STAC: variants seen among roughly 807,000 people sequenced by gnomAD.
STAC encodes SH3 and cysteine rich domain.
Under a neutral mutation model 48.8 loss-of-function variants are expected in STAC, and 43 were observed. That is an observed-to-expected ratio of 0.88 (90% CI 0.69 to 1.14). The LOEUF (loss-of-function observed/expected upper bound fraction) is 1.14, where lower values mean the gene tolerates loss of function less well. STAC is among the 50% of genes most tolerant of loss of function. STAC has a pLI of 0.00. For synonymous variants in STAC, 193 were observed against 179.5 expected (o/e 1.07, Z -0.60); for missense variants, 497 against 504.0 (o/e 0.99, Z 0.13).
At chr3:36,516,176 G>A (rs768137550) in intron 8 of STAC, among the ~76,000 whole-genome samples, 2 of 151,688 alleles carry the variant, frequency 1.3e-5, no homozygotes, top group Non-Finnish European at 1.5e-5. Context: ...TAGAAACGGG[G>A]TTTCATCATG....
rs140461735 is a variant in STAC, at chr3:36,543,105, C to A, written c.1111-3086C>A. On this transcript the variant is annotated intron_variant, in intron 10 of 10. Coordinates refer to ENST00000273183, the MANE Select transcript of STAC (RefSeq NM_003149.3). Reference sequence around the variant, plus strand: ...GTGCTAATATTGAGAATGTCCTGAGCAAACCGAGACAAGTTGGTCACCCTC... The same window carrying A: ...GTGCTAATATTGAGAATGTCCTGAGAAAACCGAGACAAGTTGGTCACCCTC... Among the ~76,000 whole-genome samples the A allele has an allele frequency of 7.3e-3, 1,118 of 152,220 alleles. 11 individuals are homozygous for A. The highest frequency in any genetic ancestry group is 0.025 in the African/African-American group (1,020 of 41,542).
intron 2 of STAC, among the ~76,000 whole-genome samples, chr3:36,462,827 G>A (rs1443538166): frequency 6.6e-6 from 1 of 152,232 alleles, no homozygotes; most frequent in Non-Finnish European, 1.5e-5. Flanking sequence ...ACATATCATA[G>A]AAATTTATTT....
intron 8 of STAC, among the ~76,000 whole-genome samples, chr3:36,525,823 G>A (rs1226472446): frequency 6.6e-6 from 1 of 152,214 alleles, no homozygotes; most frequent in Non-Finnish European, 1.5e-5. Flanking sequence ...AATGCCAGTT[G>A]TGCTTAATGC....
intron 1 of STAC, among the ~76,000 whole-genome samples, chr3:36,404,491 C>T (rs73057919): frequency 0.023 from 3,540 of 152,226 alleles, 61 homozygotes; most frequent in East Asian, 0.026. Flanking sequence ...TCTTAGTTTA[C>T]ATCATATTAT....
chr3:36,386,501 T>C (rs1559473284), intron 1 of STAC, among the ~76,000 whole-genome samples: 1 of 152,082 alleles, frequency 6.6e-6, no homozygotes, highest in African/African-American at 2.4e-5. Context: ...GTTGTGCTTT[T>C]TGTGTACTGC....
intron 1 of STAC, among the ~76,000 whole-genome samples, chr3:36,410,774 T>C (rs1005203290): frequency 2.6e-5 from 4 of 152,214 alleles, no homozygotes; most frequent in South Asian, 2.1e-4. Flanking sequence ...CTGAGGGTGT[T>C]TGTAATTCCT....
chr3:36,399,393 A>G (rs1363383672), intron 1 of STAC, among the ~76,000 whole-genome samples: 3 of 152,228 alleles, frequency 2.0e-5, no homozygotes, highest in Non-Finnish European at 2.9e-5. Flanking sequence ...GCTGCATTTG[A>G]CAATGGGTTG....
chr3:36,443,413 G>T lies in STAC; in HGVS notation c.161G>T (p.Ser54Ile). The change falls in exon 2 of 11, where the codon AGC becomes ATC. Residue 54 changes from serine to isoleucine, a missense_variant. Transcript: ENST00000273183. The surrounding 1 kb of genome is among the most constrained non-coding windows in gnomAD (Gnocchi z 4.2). ...TCTTTCAAGACCAAGAGTTTACGGA[G>T]CAAAAGTGCTGACAACTTCTTCCAG... ...SLSFKTKSLR[S>I]KSADNFFQRT... is the part of the protein sequence containing the mutation. 1 of 1,614,206 alleles carries T rather than the reference G, an allele frequency of 6.2e-7. No individual in the cohort carries two copies. The highest frequency in any genetic ancestry group is 8.5e-7 in the Non-Finnish European group (1 of 1,180,048).
At chr3:36,427,517 G>C (rs1466738067) in intron 1 of STAC, among the ~76,000 whole-genome samples, 2 of 152,102 alleles carry the variant, frequency 1.3e-5, no homozygotes, top group African/African-American at 4.8e-5. Flanking sequence ...CATTTTCCTG[G>C]AATTCTCTGG....
chr3:36,386,360 G>A (rs537533083), intron 1 of STAC, among the ~76,000 whole-genome samples: 2 of 151,152 alleles, frequency 1.3e-5, no homozygotes, highest in East Asian at 1.9e-4. Context: ...TTCTGGATAT[G>A]AGAACGTTGA....
intron 1 of STAC, among the ~76,000 whole-genome samples, chr3:36,442,817 A>C (rs1297742839): frequency 6.7e-6 from 1 of 149,386 alleles, no homozygotes; most frequent in Non-Finnish European, 1.5e-5. Context: ...TTACTTATCC[A>C]TATGCTTCAG....
chr3:36,451,486 A>C (rs1696678972), intron 2 of STAC, among the ~76,000 whole-genome samples: 1 of 152,134 alleles, frequency 6.6e-6, no homozygotes, highest in African/African-American at 2.4e-5. Flanking sequence ...AATAAATCTT[A>C]AGATATATAC....
chr3:36,504,925 A>G (rs1698365712), intron 7 of STAC, among the ~76,000 whole-genome samples: 1 of 152,022 alleles, frequency 6.6e-6, no homozygotes, highest in Non-Finnish European at 1.5e-5. Context: ...ATAGTTAGAT[A>G]TATGATGCAA....
intron 1 of STAC, among the ~76,000 whole-genome samples, chr3:36,432,865 T>C (rs547153847): frequency 3.9e-5 from 6 of 152,334 alleles, no homozygotes; most frequent in Admixed American, 6.5e-5. Flanking sequence ...GGGACAATAA[T>C]AGTACTGCCT....
At chr3:36,490,494 T>C (rs1697939668) in intron 5 of STAC, among the ~76,000 whole-genome samples, 1 of 152,144 alleles carries the variant, frequency 6.6e-6, no homozygotes, top group African/African-American at 2.4e-5. Context: ...TGAGAGCCAG[T>C]AGGTCATCTC....
At chr3:36,408,968 C>T (rs549250413) in intron 1 of STAC, among the ~76,000 whole-genome samples, 82 of 152,156 alleles carry the variant, frequency 5.4e-4, no homozygotes, top group African/African-American at 1.9e-3. Flanking sequence ...CAAAATTATG[C>T]AAAATATTGT....
chr3:36,464,403 T>C (rs1697106254), intron 2 of STAC, among the ~76,000 whole-genome samples: 1 of 151,844 alleles, frequency 6.6e-6, no homozygotes, highest in Non-Finnish European at 1.5e-5. Context: ...GAGTTCATTG[T>C]AGATTCTGGA....
chr3:36,500,120 C>A (rs1328145078), intron 6 of STAC, among the ~76,000 whole-genome samples: 1 of 152,134 alleles, frequency 6.6e-6, no homozygotes, highest in Non-Finnish European at 1.5e-5. Flanking sequence ...CAAAAATATT[C>A]TGTACAGATA....
rs183588393 is a variant in STAC at position 36,393,552 on chromosome 3, T to C, written c.111+12798T>C. Among the ~76,000 whole-genome samples, 14 of 151,934 alleles carry C rather than the reference T, an allele frequency of 9.2e-5. No homozygotes were observed. In the East Asian group the frequency reaches 1.9e-3, roughly 21 times the overall value. ...GTGCCCTCCAAAATTATGTTGAAAC[T>C]CTAATCTCCAATGTGATAGTGTTTG... On this transcript the variant is annotated intron_variant, in intron 1 of 10. Coordinates refer to ENST00000273183, the MANE Select transcript of STAC (RefSeq NM_003149.3).
Sources: allele counts gnomAD v4.1 joint callset (sites outside exome capture counted in the v4.1 genomes callset), GRCh38; gene constraint gnomAD v4.1.1; non-coding constraint Gnocchi (gnomAD v3.1); transcripts MANE v1.5; gene names NCBI Gene and HGNC (gene_info 2026-07-23, HGNC 2026-07-21).